NBAS: variants seen among roughly 807,000 people sequenced by gnomAD.
The protein encoded by NBAS is NAG/BC035112 fusion.
A neutral mutation model predicts 302.5 loss-of-function variants in NBAS; 219 were observed. That is an observed-to-expected ratio of 0.72 (90% CI 0.65 to 0.81). The LOEUF (loss-of-function observed/expected upper bound fraction) is 0.81, where lower values mean the gene tolerates loss of function less well. NBAS is among the 30% of genes least tolerant of loss of function. NBAS has a pLI of 0.00. For missense variants in NBAS, 2,932 were observed against 2,841.6 expected (o/e 1.03, Z -0.72); for synonymous variants, 1,118 against 1,021.6 (o/e 1.09, Z -1.80).
intron 35 of NBAS, among the ~76,000 whole-genome samples, chr2:15,347,621 G>T (rs1673156455): frequency 6.6e-6 from 1 of 152,168 alleles, no homozygotes; most frequent in African/African-American, 2.4e-5. Context: ...CAGTGCAAAT[G>T]ATTTTTTAAT....
At chr2:15,351,870 G>GCA (rs10605991) in intron 35 of NBAS, 122 bp downstream of exon 35, 7,190 of 700,304 alleles carry the variant, frequency 0.01, 40 homozygotes, top group African/African-American at 0.037. Flanking sequence ...TGGTCTGCAT[G>GCA]CACACACACA....
chr2:15,512,156 C>A (rs1051048207), intron 9 of NBAS, among the ~76,000 whole-genome samples: 4 of 152,090 alleles, frequency 2.6e-5, no homozygotes, highest in Non-Finnish European at 5.9e-5. Flanking sequence ...TATGTTTCTA[C>A]ATAGAAATTG....
intron 31 of NBAS, among the ~76,000 whole-genome samples, chr2:15,370,087 T>G (rs1674411772): frequency 6.6e-6 from 1 of 152,208 alleles, no homozygotes; most frequent in Non-Finnish European, 1.5e-5. Flanking sequence ...AGTTTCCTTC[T>G]TGAAGAATCT....
the NBAS span, among the ~76,000 whole-genome samples, chr2:15,099,920 A>G: frequency 5.9e-5 from 9 of 152,236 alleles, no homozygotes; most frequent in Non-Finnish European, 1.5e-5. Context: ...GACACACACA[A>G]AAATTTCAGT....
At chr2:15,206,389 C>T (rs1282337684) in intron 48 of NBAS, among the ~76,000 whole-genome samples, 1 of 149,452 alleles carries the variant, frequency 6.7e-6, no homozygotes, top group Non-Finnish European at 1.5e-5. Context: ...AAACAGAGCA[C>T]AAAAGTTTGG....
chr2:15,242,204 G>A (rs1213448114), intron 44 of NBAS, among the ~76,000 whole-genome samples: 1 of 152,174 alleles, frequency 6.6e-6, no homozygotes, highest in African/African-American at 2.4e-5. Flanking sequence ...TGAGAGACAG[G>A]TGTAACTTTT....
intron 35 of NBAS, among the ~76,000 whole-genome samples, chr2:15,336,400 T>A (rs1310625442): frequency 6.6e-6 from 1 of 152,172 alleles, no homozygotes; most frequent in Non-Finnish European, 1.5e-5. Flanking sequence ...GAAGTCTGCT[T>A]TTACTGTGCT....
the NBAS span, among the ~76,000 whole-genome samples, chr2:14,965,175 G>A: frequency 1.3e-5 from 2 of 151,940 alleles, no homozygotes; most frequent in Non-Finnish European, 2.9e-5. Context: ...AAGATAAATA[G>A]TAAAGATCAC....
At chr2:14,810,103 A>G in the NBAS span, among the ~76,000 whole-genome samples, 1 of 152,222 alleles carries the variant, frequency 6.6e-6, no homozygotes, top group Non-Finnish European at 1.5e-5. Flanking sequence ...GCTCATAGGC[A>G]GAAGAGATTT....
chr2:14,833,827 C>T, the NBAS span, among the ~76,000 whole-genome samples: 11 of 151,724 alleles, frequency 7.3e-5, no homozygotes, highest in Admixed American at 1.3e-4. Context: ...TTAAGCTACA[C>T]GATATCTCAA....
chr2:15,308,555 T>G (rs1297849520), intron 39 of NBAS, among the ~76,000 whole-genome samples: 1 of 152,210 alleles, frequency 6.6e-6, no homozygotes, highest in Non-Finnish European at 1.5e-5. Context: ...AAAGTAGATG[T>G]AAAGATCGAC....
intron 48 of NBAS, among the ~76,000 whole-genome samples, chr2:15,217,158 G>A (rs1666690747): frequency 1.3e-5 from 2 of 152,216 alleles, no homozygotes; most frequent in Admixed American, 1.3e-4. Flanking sequence ...AACACTGCAA[G>A]TGGTTTCCTC....
chr2:15,431,368 T>C (rs1331360279), intron 21 of NBAS, among the ~76,000 whole-genome samples: 1 of 152,206 alleles, frequency 6.6e-6, no homozygotes, highest in Non-Finnish European at 1.5e-5. Context: ...ACTTTAGGCA[T>C]TTGAAGTGCT....
intron 31 of NBAS, among the ~76,000 whole-genome samples, chr2:15,373,073 T>C (rs1355595969): frequency 6.6e-6 from 1 of 152,138 alleles, no homozygotes; most frequent in African/African-American, 2.4e-5. Flanking sequence ...AAAATTGCAA[T>C]TAAATAAATA....
the NBAS span, among the ~76,000 whole-genome samples, chr2:14,871,420 C>A: frequency 6.6e-6 from 1 of 151,428 alleles, no homozygotes; most frequent in Non-Finnish European, 1.5e-5. Flanking sequence ...GCAAATCATA[C>A]AATAAAAAAT....
intron 25 of NBAS, among the ~76,000 whole-genome samples, chr2:15,402,780 G>A (rs1676216581): frequency 6.7e-6 from 1 of 150,250 alleles, no homozygotes; most frequent in Admixed American, 6.7e-5. Context: ...AAATCCAACT[G>A]TAATAGATCA....
At chr2:14,832,164 T>A in the NBAS span, among the ~76,000 whole-genome samples, 2 of 152,142 alleles carry the variant, frequency 1.3e-5, no homozygotes, top group African/African-American at 4.8e-5. Flanking sequence ...CCCAGAGGGT[T>A]TGTATCACCT....
At chr2:15,166,272 T>C (rs899564809), downstream of NBAS, among the ~76,000 whole-genome samples, 5 of 152,190 alleles carry the variant, frequency 3.3e-5, no homozygotes, top group African/African-American at 1.2e-4. Context: ...GTGATAAGTG[T>C]GCATGCTGGC....
intron 8 of NBAS, 113 bp downstream of exon 8, chr2:15,536,305 T>C (rs1390182890): frequency 2.4e-6 from 3 of 1,250,042 alleles, no homozygotes; most frequent in East Asian, 2.4e-5. Flanking sequence ...CCTATTATAT[T>C]TGCAATTTTT....
Sources: gnomAD v4.1 joint callset for allele counts (sites outside exome capture counted in the v4.1 genomes callset) on GRCh38, gnomAD v4.1.1 for gene constraint, MANE v1.5 for transcripts, NCBI Gene and HGNC (gene_info 2026-07-23, HGNC 2026-07-21) for gene names.